KLHL1: variants seen among roughly 807,000 people sequenced by gnomAD.
The protein encoded by KLHL1 is kelch-like protein 1.
KLHL1 carries 47 observed loss-of-function variants against 77.7 expected under a neutral mutation model. The observed-to-expected ratio is 0.60, with a 90% CI of 0.48 to 0.77. The LOEUF (loss-of-function observed/expected upper bound fraction) is 0.77, where lower values mean the gene tolerates loss of function less well. KLHL1 is among the 30% of genes least tolerant of loss of function. The pLI is 0.00. For synonymous variants in KLHL1, 360 were observed against 325.2 expected (o/e 1.11, Z -1.15); for missense variants, 925 against 910.8 (o/e 1.02, Z -0.20).
chr13:69,988,248 G>C (rs1437179642), intron 1 of KLHL1, among the ~76,000 whole-genome samples: 1 of 152,012 alleles, frequency 6.6e-6, no homozygotes, highest in Non-Finnish European at 1.5e-5. Context: ...AGTTTGCTAA[G>C]AATAATGGCC....
At chr13:69,902,555 A>C (rs1168003185) in intron 4 of KLHL1, among the ~76,000 whole-genome samples, 2 of 152,202 alleles carry the variant, frequency 1.3e-5, no homozygotes, top group Non-Finnish European at 2.9e-5. Context: ...GCATATATAC[A>C]CCACGGAATA....
intron 4 of KLHL1, among the ~76,000 whole-genome samples, chr13:69,909,875 C>T (rs1167511309): frequency 6.6e-6 from 1 of 151,860 alleles, no homozygotes; most frequent in African/African-American, 2.4e-5. Context: ...TTTTGTTTTT[C>T]CCCAGGCCTC....
At chr13:69,818,834 C>G (rs575823311) in intron 6 of KLHL1, among the ~76,000 whole-genome samples, 1 of 152,232 alleles carries the variant, frequency 6.6e-6, no homozygotes, top group South Asian at 2.1e-4. Context: ...AATGTAGTCA[C>G]TGAGGCAAAC....
rs529396255 is a variant in KLHL1, at chr13:70,033,557, T to C, written c.498-57755A>G. Among the ~76,000 whole-genome samples, 17 of 148,836 alleles carry C rather than the reference T, an allele frequency of 1.1e-4. No homozygotes were observed. In the South Asian group the frequency reaches 3.4e-3, roughly 30 times the overall value. On this transcript the variant is annotated intron_variant, in intron 1 of 10. Coordinates refer to ENST00000377844, the MANE Select transcript of KLHL1 (RefSeq NM_020866.3). ...CTCCGACCTCGTGATCCACCCGCCT[T>C]GGCCTCCCAAAGTGCTGGGATTACA...
intron 5 of KLHL1, among the ~76,000 whole-genome samples, chr13:69,853,448 T>C (rs1415216728): frequency 6.6e-6 from 1 of 151,958 alleles, no homozygotes; most frequent in Non-Finnish European, 1.5e-5. Context: ...TGTGAGTCGA[T>C]TAAGCCTCTT....
intron 3 of KLHL1, among the ~76,000 whole-genome samples, 182 bp from the exon 4 acceptor site, chr13:69,940,418 A>C (rs898903959): frequency 2.6e-5 from 4 of 152,148 alleles, no homozygotes; most frequent in Non-Finnish European, 5.9e-5. Context: ...TTCGTATTTC[A>C]TGTAATATTC....
intron 10 of KLHL1, among the ~76,000 whole-genome samples, chr13:69,706,657 CTATT>C (rs1566350720): frequency 6.6e-6 from 1 of 151,770 alleles, no homozygotes; most frequent in Non-Finnish European, 1.5e-5. Context: ...TAGATGGAAA[CTATT>C]TATTTGAACA....
intron 4 of KLHL1, among the ~76,000 whole-genome samples, chr13:69,895,815 T>C (rs998260116): frequency 6.6e-6 from 1 of 151,894 alleles, no homozygotes; most frequent in African/African-American, 2.4e-5. Context: ...CAAGTGATTC[T>C]CTTGATCCAG....
At chr13:70,053,639 A>G (rs1451749308) in intron 1 of KLHL1, among the ~76,000 whole-genome samples, 2 of 152,114 alleles carry the variant, frequency 1.3e-5, no homozygotes, top group Non-Finnish European at 2.9e-5. Context: ...AGAGTAAAAG[A>G]AGGAGACTCA....
At chr13:69,861,672 T>G (rs1263031076) in intron 5 of KLHL1, among the ~76,000 whole-genome samples, 2 of 150,476 alleles carry the variant, frequency 1.3e-5, no homozygotes, top group Admixed American at 1.3e-4. Flanking sequence ...AAAGCAAGCC[T>G]GGCGCAGTGG....
At chr13:70,052,949 C>T (rs1257813491) in intron 1 of KLHL1, among the ~76,000 whole-genome samples, 2 of 151,908 alleles carry the variant, frequency 1.3e-5, no homozygotes, top group Non-Finnish European at 2.9e-5. Flanking sequence ...ATGATATGGA[C>T]TCATGAAAAA....
intron 9 of KLHL1, among the ~76,000 whole-genome samples, chr13:69,710,056 T>C (rs1031804819): frequency 2.0e-5 from 3 of 151,648 alleles, no homozygotes; most frequent in Non-Finnish European, 2.9e-5. Flanking sequence ...TGCAAATATA[T>C]ACTTTTTTAT....
intron 7 of KLHL1, among the ~76,000 whole-genome samples, chr13:69,774,122 A>T (rs2137988214): frequency 6.6e-6 from 1 of 152,074 alleles, no homozygotes; most frequent in African/African-American, 2.4e-5. Context: ...GTAACACAGC[A>T]GTATTACTCT....
intron 7 of KLHL1, among the ~76,000 whole-genome samples, chr13:69,745,466 A>T (rs956028885): frequency 2.0e-5 from 3 of 151,906 alleles, no homozygotes; most frequent in Admixed American, 6.6e-5. Flanking sequence ...CACTTTCTTA[A>T]TCTTGTCTTT....
At chr13:69,773,785 C>T (rs1875690853) in intron 7 of KLHL1, among the ~76,000 whole-genome samples, 1 of 151,534 alleles carries the variant, frequency 6.6e-6, no homozygotes, top group Non-Finnish European at 1.5e-5. Flanking sequence ...TGCTCTATTA[C>T]ATGCAAAGCA....
intron 3 of KLHL1, among the ~76,000 whole-genome samples, chr13:69,960,800 G>C (rs1418043640): frequency 6.6e-6 from 1 of 151,668 alleles, no homozygotes; most frequent in Non-Finnish European, 1.5e-5. Flanking sequence ...TGTCAACATA[G>C]TAGATCAGAA....
intron 1 of KLHL1, among the ~76,000 whole-genome samples, chr13:69,988,544 C>T (rs1039823462): frequency 2.0e-5 from 3 of 152,076 alleles, no homozygotes; most frequent in African/African-American, 7.2e-5. Context: ...ACACTGTCTT[C>T]CGCAACAGAT....
At chr13:69,945,656 A>T (rs1593975139) in intron 3 of KLHL1, among the ~76,000 whole-genome samples, 1 of 152,306 alleles carries the variant, frequency 6.6e-6, no homozygotes, top group East Asian at 1.9e-4. Context: ...TATGAACAAA[A>T]AATGCTCAAT....
At chr13:69,897,878 T>A (rs1013118784) in intron 4 of KLHL1, among the ~76,000 whole-genome samples, 4 of 152,198 alleles carry the variant, frequency 2.6e-5, no homozygotes, top group Non-Finnish European at 4.4e-5. Context: ...GATTTATTGA[T>A]TTATCTGTAC....
Sources: gnomAD v4.1 joint callset for allele counts (sites outside exome capture counted in the v4.1 genomes callset) on GRCh38, gnomAD v4.1.1 for gene constraint, MANE v1.5 for transcripts, NCBI Gene and HGNC (gene_info 2026-07-23, HGNC 2026-07-21) for gene names.